Variants in MMS22L observed in about 807,000 individuals in gnomAD.
MMS22L encodes the protein MMS22 like, DNA repair protein.
A neutral mutation model predicts 159.1 loss-of-function variants in MMS22L; 74 were observed. The observed-to-expected ratio is 0.47, with a 90% confidence interval of 0.39 to 0.56. The LOEUF (loss-of-function observed/expected upper bound fraction) is 0.56. Among genes scored for constraint, MMS22L ranks in the 20% least tolerant of loss-of-function variants. MMS22L has a pLI of 0.00. For missense variants in MMS22L, 1,351 were observed against 1,422.1 expected, an observed-to-expected ratio of 0.95 and a Z score of 0.80; for synonymous variants, 517 against 506.9, an observed-to-expected ratio of 1.02 and a Z score of -0.27.
intron 11 of MMS22L, among the ~76,000 whole-genome samples, chr6:97,238,605 T>TGTGTG (rs1562493371): frequency 2.5e-5 from 3 of 119,818 alleles, no homozygotes; most frequent in Admixed American, 8.3e-5. Flanking sequence ...GTGTGTGTGT[T>TGTGTG]TGAGTGTATC....
At chr6:97,241,774 C>T (rs1812101744) in intron 11 of MMS22L, among the ~76,000 whole-genome samples, 1 of 152,062 alleles carries the variant, frequency 6.6e-6, no homozygotes, top group African/African-American at 2.4e-5. Flanking sequence ...ACTGCTTTTG[C>T]TGTACCTCAG....
intron 11 of MMS22L, among the ~76,000 whole-genome samples, chr6:97,235,011 A>AT (rs1266952184): frequency 2.0e-5 from 3 of 152,200 alleles, no homozygotes; most frequent in Admixed American, 2.0e-4. Flanking sequence ...TGTATTTTAA[A>AT]TATGTTGGGA....
intron 19 of MMS22L, among the ~76,000 whole-genome samples, chr6:97,170,465 T>A (rs1212796487): frequency 6.6e-6 from 1 of 151,644 alleles, no homozygotes; most frequent in Non-Finnish European, 1.5e-5. Context: ...AACCTAAGTT[T>A]TTTTTTTTCT....
At chr6:97,164,298 C>T (rs1802739509) in intron 21 of MMS22L, among the ~76,000 whole-genome samples, 1 of 151,112 alleles carries the variant, frequency 6.6e-6, no homozygotes. Flanking sequence ...TGAGAGGTAA[C>T]AGATATTATT....
In MMS22L at chr6:97,278,874, G is replaced by A. The variant is rs1031760361; in HGVS notation, c.315C>T (p.Thr105=). 1.2e-6 allele frequency: 2 copies of A among 1,613,056 alleles called. No individual in the cohort carries two copies. Among genetic ancestry groups the A allele is most frequent in the African/African-American group, 1.3e-5 (1 of 74,892 alleles). ...CAAAATCACAACTGGACTGTAACAAGGTTTCCAAGTTGTACAGTTGTTGCC... is the reference window on the plus strand; with the variant it reads ...CAAAATCACAACTGGACTGTAACAAAGTTTCCAAGTTGTACAGTTGTTGCC... The part of the protein sequence containing the change: ...LFRQQLYNLE[T]LLQSSCDFGK... Residue 105 remains threonine (T), a synonymous_variant, in exon 4 of 25, where the codon ACC becomes ACT. Transcript: ENST00000683635.
chr6:97,183,596 C>T (rs1326061157), intron 15 of MMS22L, among the ~76,000 whole-genome samples: 1 of 152,148 alleles, frequency 6.6e-6, no homozygotes, highest in East Asian at 1.9e-4. Flanking sequence ...CCAGCACCTT[C>T]TGCCCCTTCC....
intron 11 of MMS22L, among the ~76,000 whole-genome samples, chr6:97,240,316 T>C (rs1311951808): frequency 6.6e-6 from 1 of 152,194 alleles, no homozygotes; most frequent in Non-Finnish European, 1.5e-5. Flanking sequence ...TCTTTTCCCA[T>C]AGGAAAGATA....
intron 9 of MMS22L, among the ~76,000 whole-genome samples, chr6:97,256,221 ATAAACAT>A (rs1813792386): frequency 6.6e-6 from 1 of 152,136 alleles, no homozygotes; most frequent in African/African-American, 2.4e-5. Context: ...GATCTTAGAA[ATAAACAT>A]TACACATCCA....
chr6:97,219,982 CT>C (rs1809456399), intron 14 of MMS22L, among the ~76,000 whole-genome samples: 1 of 152,174 alleles, frequency 6.6e-6, no homozygotes, highest in African/African-American at 2.4e-5. Flanking sequence ...ATTACCAACA[CT>C]GACCACTTCT....
chr6:97,226,789 G>A (rs1810308979), intron 14 of MMS22L, among the ~76,000 whole-genome samples: 1 of 152,250 alleles, frequency 6.6e-6, no homozygotes, highest in South Asian at 2.1e-4. Flanking sequence ...CTAGAGCAAT[G>A]TATCTCAACC....
At chr6:97,221,681 G>C (rs1809669087) in intron 14 of MMS22L, among the ~76,000 whole-genome samples, 1 of 151,868 alleles carries the variant, frequency 6.6e-6, no homozygotes, top group Non-Finnish European at 1.5e-5. Context: ...AACGAAAAAA[G>C]GCAATGGATT....
At chr6:97,247,456 C>T (rs1372609369) in intron 10 of MMS22L, among the ~76,000 whole-genome samples, 2 of 152,118 alleles carry the variant, frequency 1.3e-5, no homozygotes, top group Admixed American at 1.3e-4. Flanking sequence ...TGGCCAGGAG[C>T]GATGGCTCAC....
chr6:97,201,386 T>A (rs1197269043), intron 14 of MMS22L, among the ~76,000 whole-genome samples: 2 of 152,172 alleles, frequency 1.3e-5, no homozygotes, highest in Non-Finnish European at 2.9e-5. Flanking sequence ...CTTCCCAGCA[T>A]TTGGTAATAT....
In MMS22L at chr6:97,228,972, C is replaced by A; in HGVS notation, c.1961G>T (p.Ser654Ile). Residue 654 changes from serine (S) to isoleucine (I), a missense_variant, in exon 14 of 25, where the codon AGT becomes ATT. Ser to Ile is a moderately radical substitution (Grantham distance 142). Coordinates refer to ENST00000683635, the MANE Select transcript of MMS22L (RefSeq NM_001350599.2). ...SHEKLLNDGFSMLLRACRESE... is the reference protein window; with the variant it reads ...SHEKLLNDGFIMLLRACRESE... ...TTCTCGACATGCTCGCAGAAGCATACTAAATCCATCATTAAGCAGTTTTTC... is the reference window on the plus strand; with the variant it reads ...TTCTCGACATGCTCGCAGAAGCATAATAAATCCATCATTAAGCAGTTTTTC... 1.2e-6 allele frequency: 2 copies of A among 1,614,120 alleles called. No individual in the cohort carries two copies. The highest frequency in any genetic ancestry group is 1.6e-4 in the Middle Eastern group (1 of 6,062).
chr6:97,181,974 G>T lies in MMS22L; in HGVS notation c.2314C>A (p.Leu772Ile), dbSNP rs2128274893. ...QPQPVISIIQ[L>I]FGWDDIICPQ... ...CAGATGATATCATCCCAACCAAAAA[G>T]TTGAATAATTGATATAACTGGCTGA... The change falls in exon 16 of 25, where the codon CTT (leucine) becomes ATT (isoleucine). Residue 772 changes from leucine (L) to isoleucine (I), a missense_variant. Coordinates refer to ENST00000683635, the MANE Select transcript of MMS22L (RefSeq NM_001350599.2). 1 of 1,613,706 alleles carries T rather than the reference G, an allele frequency of 6.2e-7. No individual in the cohort carries two copies. The highest frequency in any genetic ancestry group is 2.2e-5 in the East Asian group (1 of 44,838).
chr6:97,156,811 T>C (rs1461804520), intron 22 of MMS22L, among the ~76,000 whole-genome samples: 1 of 152,198 alleles, frequency 6.6e-6, no homozygotes, highest in Non-Finnish European at 1.5e-5. Context: ...ACACTTTTTT[T>C]TGGTTCCATA....
At chr6:97,231,401 T>A in intron 13 of MMS22L, 25 bp downstream of exon 13, 1 of 1,522,004 alleles carries the variant, frequency 6.6e-7, no homozygotes, top group Non-Finnish European at 9.1e-7. Context: ...CAGTGCACAC[T>A]CATGACAGAA....
intron 21 of MMS22L, among the ~76,000 whole-genome samples, chr6:97,162,494 A>G (rs1208310900): frequency 6.6e-6 from 1 of 151,910 alleles, no homozygotes; most frequent in Non-Finnish European, 1.5e-5. Context: ...TTCTAATACA[A>G]GTCTGATCTC....
Position 97,186,536 on chromosome 6 carries a change from GTGACATTCTC to G in MMS22L, c.2184_2193del (p.Gln728HisfsTer3). 6.2e-7 allele frequency: 1 copy of G among 1,613,056 alleles called. No homozygotes were observed. Among genetic ancestry groups the G allele is most frequent in the Non-Finnish European group, 8.5e-7 (1 of 1,179,564 alleles). ...GCAAGTTGTGAGAAAGGCACTACCTGTGACATTCTCTGACTCTTCAAAAATGAAAAGAAAT... is the reference window on the plus strand; with the variant it reads ...GCAAGTTGTGAGAAAGGCACTACCTGTGACTCTTCAAAAATGAAAAGAAAT... On this transcript the variant is annotated frameshift_variant, in exon 15 of 25. Transcript: ENST00000683635. LOFTEE classifies it high-confidence loss of function.
Sources: allele counts gnomAD v4.1 joint callset (sites outside exome capture counted in the v4.1 genomes callset), GRCh38; gene constraint gnomAD v4.1.1; transcripts MANE v1.5; gene names NCBI Gene and HGNC (gene_info 2026-07-23, HGNC 2026-07-21).